The following ATRNL1 variants were observed in gnomAD, a reference collection of about 807,000 sequenced individuals.
ATRNL1 encodes attractin-like protein 1.
Under a neutral mutation model 182.7 loss-of-function variants are expected in ATRNL1, and 95 were observed. The observed-to-expected ratio is 0.52, with a 90% CI of 0.44 to 0.62. ATRNL1 has a LOEUF of 0.62. ATRNL1 is among the 20% of genes least tolerant of loss of function. ATRNL1 has a pLI of 0.00. For synonymous variants in ATRNL1, 576 were observed against 568.3 expected, an observed-to-expected ratio of 1.01 and a Z score of -0.19; for missense variants, 1,471 against 1,679.5, an observed-to-expected ratio of 0.88 and a Z score of 2.17.
intron 18 of ATRNL1, among the ~76,000 whole-genome samples, chr10:115,316,757 G>A (rs977890016): frequency 2.0e-5 from 3 of 152,078 alleles, no homozygotes; most frequent in Non-Finnish European, 2.9e-5. Flanking sequence ...TTTTTACGGA[G>A]TTGTTCATTT....
At chr10:115,804,411 G>C (rs1949870805) in intron 27 of ATRNL1, among the ~76,000 whole-genome samples, 1 of 152,072 alleles carries the variant, frequency 6.6e-6, no homozygotes, top group Admixed American at 6.6e-5. Flanking sequence ...TGAGGTTGGG[G>C]CCCTCATAAA....
At chr10:115,531,572 G>T (rs1451431782) in intron 25 of ATRNL1, among the ~76,000 whole-genome samples, 1 of 150,220 alleles carries the variant, frequency 6.7e-6, no homozygotes, top group Non-Finnish European at 1.5e-5. Context: ...CTCCCATTTT[G>T]TAGGCTGCCT....
intron 28 of ATRNL1, among the ~76,000 whole-genome samples, chr10:115,934,344 A>G (rs1408187012): frequency 2.0e-5 from 3 of 152,176 alleles, no homozygotes; most frequent in Non-Finnish European, 4.4e-5. Context: ...TTCAGATTCC[A>G]TCTATGCTAA....
intron 8 of ATRNL1, among the ~76,000 whole-genome samples, chr10:115,172,766 T>A (rs1196854434): frequency 6.6e-6 from 1 of 151,940 alleles, no homozygotes; most frequent in Non-Finnish European, 1.5e-5. Context: ...CCTACCTTTT[T>A]AATCCATACT....
At chr10:115,837,524 A>G (rs1555095867) in intron 27 of ATRNL1, among the ~76,000 whole-genome samples, 3 of 121,014 alleles carry the variant, frequency 2.5e-5, no homozygotes, top group African/African-American at 1.1e-4. Context: ...ACACACACAC[A>G]CACCAGAACA....
chr10:115,870,503 T>C (rs1318019178), intron 28 of ATRNL1, among the ~76,000 whole-genome samples: 1 of 152,240 alleles, frequency 6.6e-6, no homozygotes, highest in Non-Finnish European at 1.5e-5. Context: ...TAAAAGCATT[T>C]GAGGTAAGCA....
intron 24 of ATRNL1, among the ~76,000 whole-genome samples, chr10:115,500,906 A>G (rs1432547457): frequency 2.8e-5 from 4 of 142,382 alleles, no homozygotes; most frequent in African/African-American, 1.0e-4. Flanking sequence ...TCATAGCAGA[A>G]ATTTCAGGTA....
chr10:115,570,886 C>T (rs1854349928), intron 26 of ATRNL1, among the ~76,000 whole-genome samples: 1 of 152,158 alleles, frequency 6.6e-6, no homozygotes, highest in Non-Finnish European at 1.5e-5. Context: ...GTTAGGACTC[C>T]ACGTGAGCTC....
chr10:115,737,819 T>C (rs1948002877), intron 27 of ATRNL1, among the ~76,000 whole-genome samples: 1 of 152,132 alleles, frequency 6.6e-6, no homozygotes, highest in Admixed American at 6.6e-5. Flanking sequence ...GTATAGTCTT[T>C]TAGGAACTGT....
At chr10:115,595,325 C>T (rs782341113) in intron 26 of ATRNL1, among the ~76,000 whole-genome samples, 7 of 152,086 alleles carry the variant, frequency 4.6e-5, no homozygotes, top group African/African-American at 9.6e-5. Flanking sequence ...TATAAAATTA[C>T]GAGTTTTCAA....
At chr10:115,176,424 A>G (rs984623866) in intron 8 of ATRNL1, among the ~76,000 whole-genome samples, 2 of 152,118 alleles carry the variant, frequency 1.3e-5, no homozygotes, top group South Asian at 2.1e-4. Context: ...TTGTAAATAA[A>G]CTTTATGGAA....
At chr10:115,691,729 A>G (rs1321596846) in intron 26 of ATRNL1, among the ~76,000 whole-genome samples, 3 of 152,180 alleles carry the variant, frequency 2.0e-5, no homozygotes, top group African/African-American at 2.4e-5. Flanking sequence ...CTAAAAATCA[A>G]TCAATCAATC....
At chr10:115,386,973 T>C (rs1453163127) in intron 19 of ATRNL1, among the ~76,000 whole-genome samples, 3 of 151,826 alleles carry the variant, frequency 2.0e-5, no homozygotes, top group Non-Finnish European at 4.4e-5. Flanking sequence ...CACACGTATG[T>C]TTATTGCGGC....
intron 26 of ATRNL1, among the ~76,000 whole-genome samples, chr10:115,629,212 C>G (rs942793853): frequency 6.6e-6 from 1 of 152,082 alleles, no homozygotes; most frequent in Non-Finnish European, 1.5e-5. Flanking sequence ...GTAGAGCAAA[C>G]ATAGACTTGA....
At chr10:115,769,129 G>T (rs1271609084) in intron 27 of ATRNL1, among the ~76,000 whole-genome samples, 3 of 152,098 alleles carry the variant, frequency 2.0e-5, no homozygotes, top group Non-Finnish European at 2.9e-5. Context: ...TTAAAGGAAA[G>T]AAATTATTTG....
chr10:115,242,217 A>G (rs1850452506), intron 10 of ATRNL1, among the ~76,000 whole-genome samples: 1 of 152,002 alleles, frequency 6.6e-6, no homozygotes, highest in Admixed American at 6.6e-5. Context: ...GAGCTAAAGA[A>G]ATAAGATTTT....
intron 8 of ATRNL1, among the ~76,000 whole-genome samples, chr10:115,181,900 G>A (rs1211556901): frequency 2.6e-5 from 4 of 151,504 alleles, no homozygotes; most frequent in East Asian, 1.9e-4. Flanking sequence ...AAGATCTTTC[G>A]CAGTAATTAG....
At chr10:115,561,688 T>G (rs1187740400) in intron 26 of ATRNL1, among the ~76,000 whole-genome samples, 2 of 116,078 alleles carry the variant, frequency 1.7e-5, no homozygotes, top group South Asian at 3.4e-4. Context: ...TGTGTGTGTG[T>G]GGGTGTGTGT....
chr10:115,847,465 G>GTATGTA (rs1233418445), intron 27 of ATRNL1, among the ~76,000 whole-genome samples: 5 of 152,022 alleles, frequency 3.3e-5, no homozygotes, highest in Admixed American at 6.6e-5. Context: ...ATGTATCTGT[G>GTATGTA]TATGTATATG....
Sources: gnomAD v4.1 joint callset for allele counts (sites outside exome capture counted in the v4.1 genomes callset) on GRCh38, gnomAD v4.1.1 for gene constraint, MANE v1.5 for transcripts, NCBI Gene and HGNC (gene_info 2026-07-23, HGNC 2026-07-21) for gene names.